Variants in TRABD2B observed in about 807,000 individuals in gnomAD.
The protein encoded by TRABD2B is TraB domain containing 2B.
A neutral mutation model predicts 40.1 loss-of-function variants in TRABD2B; 14 were observed. The observed-to-expected ratio is 0.35, with a 90% CI of 0.23 to 0.55. The LOEUF (loss-of-function observed/expected upper bound fraction) is 0.55. Ranked by LOEUF, TRABD2B falls within the 20% of genes least tolerant of loss-of-function variation. TRABD2B has a pLI of 0.90. For synonymous variants in TRABD2B, 263 were observed against 277.0 expected (o/e 0.95, Z 0.50); for missense variants, 541 against 648.6 (o/e 0.83, Z 1.80).
chr1:47,938,228 G>T (rs1014694839), intron 2 of TRABD2B, among the ~76,000 whole-genome samples: 5 of 152,308 alleles, frequency 3.3e-5, no homozygotes, highest in African/African-American at 1.2e-4. Context: ...AGGTGAGCGG[G>T]GTTCAACGCT....
intron 2 of TRABD2B, among the ~76,000 whole-genome samples, chr1:47,917,318 A>G (rs1490752089): frequency 6.6e-6 from 1 of 152,168 alleles, no homozygotes. Flanking sequence ...TGCCACAGTG[A>G]ATATCCATTC....
intron 2 of TRABD2B, among the ~76,000 whole-genome samples, chr1:47,920,612 C>A (rs1030377635): frequency 3.3e-5 from 5 of 152,230 alleles, no homozygotes; most frequent in African/African-American, 1.2e-4. Context: ...GAGCTGGAAG[C>A]AGCCAAGATG....
At chr1:47,820,465 T>C (rs906628164) in intron 2 of TRABD2B, among the ~76,000 whole-genome samples, 4 of 152,134 alleles carry the variant, frequency 2.6e-5, no homozygotes, top group African/African-American at 9.7e-5. Flanking sequence ...AGACAGACCG[T>C]GGGATATGCC....
chr1:47,893,442 G>A (rs1185093929), intron 2 of TRABD2B, among the ~76,000 whole-genome samples: 1 of 152,134 alleles, frequency 6.6e-6, no homozygotes, highest in Non-Finnish European at 1.5e-5. Context: ...GGGGGATGTT[G>A]AACAAATAAG....
chr1:47,955,093 T>C (rs1482900654), intron 2 of TRABD2B, among the ~76,000 whole-genome samples: 1 of 152,152 alleles, frequency 6.6e-6, no homozygotes, highest in Non-Finnish European at 1.5e-5. Context: ...CCTCTCCTCC[T>C]AAACAGTCCC....
At chr1:47,829,910 G>A (rs1477531069) in intron 2 of TRABD2B, among the ~76,000 whole-genome samples, 1 of 152,134 alleles carries the variant, frequency 6.6e-6, no homozygotes, top group Non-Finnish European at 1.5e-5. Context: ...CTCACCCCAT[G>A]GTTTTACCTG....
intron 2 of TRABD2B, among the ~76,000 whole-genome samples, chr1:47,822,411 T>C (rs1417811468): frequency 6.6e-6 from 1 of 152,204 alleles, no homozygotes; most frequent in Non-Finnish European, 1.5e-5. Context: ...AAACAGGCTT[T>C]TCAGTACAGT....
At chr1:47,940,645 G>A (rs887061137) in intron 2 of TRABD2B, among the ~76,000 whole-genome samples, 1 of 152,172 alleles carries the variant, frequency 6.6e-6, no homozygotes, top group Non-Finnish European at 1.5e-5. Flanking sequence ...CAGGCTTCCT[G>A]AGCCCCGCTA....
chr1:47,832,037 T>TA (rs1189156618), intron 2 of TRABD2B, among the ~76,000 whole-genome samples: 3 of 152,164 alleles, frequency 2.0e-5, no homozygotes, highest in African/African-American at 7.2e-5. Context: ...GTCAGACTCT[T>TA]AAAGAAGAGG....
rs1036295404 is a variant in TRABD2B, at chr1:47,813,549, G to A, written c.667-11930C>T. Among the ~76,000 whole-genome samples, 32 of 152,166 alleles carry A rather than the reference G, an allele frequency of 2.1e-4. No homozygotes were observed. The highest frequency in any genetic ancestry group is 7.5e-4 in the African/African-American group (31 of 41,428). ...GCAGGCTGTGTGAAGTTCTTATTCT[G>A]GCTCTTTGGGGCAGACTCTTCTCTT... On this transcript the variant is annotated intron_variant, in intron 2 of 6. Transcript: ENST00000606738. The surrounding 1 kb of genome is among the most constrained non-coding windows in gnomAD (Gnocchi z 4.3).
rs1008892042 is a variant in TRABD2B, at chr1:47,897,511, C to G, written c.667-95892G>C. On this transcript the variant is annotated intron_variant, in intron 2 of 6. Transcript: ENST00000606738. The stretch of plus-strand genomic sequence containing the variant: ...CGGGGAGGACCCTGGAGGGCAGCTG[C>G]AAAGATGGAAGATTTTTGATGTGTT... Among the ~76,000 whole-genome samples, 6 of 152,180 alleles carry G rather than the reference C, an allele frequency of 3.9e-5. No homozygotes were observed. In the East Asian group the frequency reaches 9.7e-4, roughly 25 times the overall value.
At chr1:47,801,393 G>A (rs1644820886) in intron 3 of TRABD2B, 80 bp downstream of exon 3, 1 of 1,404,480 alleles carries the variant, frequency 7.1e-7, no homozygotes, top group South Asian at 1.3e-5. Context: ...GCCATGGCTG[G>A]AGAGAAGATT....
intron 2 of TRABD2B, among the ~76,000 whole-genome samples, chr1:47,880,541 C>T (rs1454479514): frequency 6.6e-6 from 1 of 152,184 alleles, no homozygotes. Flanking sequence ...CAGGTCAAAA[C>T]AGGGGCTATG....
chr1:47,801,295 T>C (rs1644819795), intron 3 of TRABD2B, among the ~76,000 whole-genome samples, 178 bp downstream of exon 3: 1 of 152,182 alleles, frequency 6.6e-6, no homozygotes, highest in Non-Finnish European at 1.5e-5. Context: ...CAACAACTCA[T>C]AAGCTGTGTT....
chr1:47,780,905 G>A lies in TRABD2B; in HGVS notation c.989-2361C>T, dbSNP rs886611224. Among the ~76,000 whole-genome samples the A allele has an allele frequency of 9.2e-5, 14 of 152,348 alleles. 1 individual carries two copies. The South Asian group carries it at 2.9e-3, about 32-fold the overall frequency. ...TCTGCCCCGCAGCCTGTGATCCTAA[G>A]CAAGTGGCTTCCCTGCCACCAGCCT... On this transcript the variant is annotated intron_variant, in intron 4 of 6. Coordinates refer to ENST00000606738, the MANE Select transcript of TRABD2B (RefSeq NM_001194986.2).
At chr1:47,945,013 T>G (rs1645241602) in intron 2 of TRABD2B, among the ~76,000 whole-genome samples, 1 of 148,226 alleles carries the variant, frequency 6.7e-6, no homozygotes, top group South Asian at 2.1e-4. Flanking sequence ...TGTAGTTCAG[T>G]GATTCTGGAG....
rs541142240 is a variant in TRABD2B, at chr1:47,906,797, C to T, written c.666+87237G>A. On this transcript the variant is annotated intron_variant, in intron 2 of 6. Transcript: ENST00000606738. Reference sequence around the variant, plus strand: ...GTCTAGGAACCTTAAAAGCAAAAGACAGCTTAATAATGCAGCAAAGAAAAC... The same window carrying T: ...GTCTAGGAACCTTAAAAGCAAAAGATAGCTTAATAATGCAGCAAAGAAAAC... 1.4e-4 allele frequency among the ~76,000 whole-genome samples: 22 copies of T among 152,352 alleles called. No homozygotes were observed. In the South Asian group the frequency reaches 3.9e-3, roughly 27 times the overall value.
intron 2 of TRABD2B, among the ~76,000 whole-genome samples, chr1:47,863,384 A>ATATATATATATATATATATATATATATG: frequency 7.8e-6 from 1 of 127,660 alleles, no homozygotes; most frequent in South Asian, 2.3e-4. Flanking sequence ...ATATATATAT[A>ATATATATATATATATATATATATATATG]TATATATATA....
chr1:47,867,863 C>A (rs1644082616), intron 2 of TRABD2B, among the ~76,000 whole-genome samples: 1 of 152,116 alleles, frequency 6.6e-6, no homozygotes, highest in African/African-American at 2.4e-5. Context: ...GAATCAATAA[C>A]AAAACTTTTG....
Sources: gnomAD v4.1 joint callset for allele counts (sites outside exome capture counted in the v4.1 genomes callset) on GRCh38, gnomAD v4.1.1 for gene constraint, Gnocchi (gnomAD v3.1) non-coding constraint, MANE v1.5 for transcripts, NCBI Gene and HGNC (gene_info 2026-07-23, HGNC 2026-07-21) for gene names.